The following CTIF variants were observed in gnomAD, a reference collection of about 807,000 sequenced individuals.
The protein encoded by CTIF is CBP80/20-dependent translation initiation factor.
Under a neutral mutation model 66.0 loss-of-function variants are expected in CTIF, and 21 were observed. The observed-to-expected ratio is 0.32, with a 90% confidence interval of 0.23 to 0.46. The LOEUF is 0.46. Among genes scored for constraint, CTIF ranks in the 20% least tolerant of loss-of-function variants. CTIF has a pLI of 1.00. For synonymous variants in CTIF, 345 were observed against 326.4 expected, an observed-to-expected ratio of 1.06 and a Z score of -0.62; for missense variants, 739 against 812.7, an observed-to-expected ratio of 0.91 and a Z score of 1.10.
chr18:48,691,545 A>G (rs538598856), intron 6 of CTIF, among the ~76,000 whole-genome samples: 1 of 152,342 alleles, frequency 6.6e-6, no homozygotes, highest in East Asian at 1.9e-4. Flanking sequence ...CACCTGCACC[A>G]GATAGAATCA....
In CTIF at chr18:48,774,158, A is replaced by G. The variant is rs1391712849; in HGVS notation, c.1371+12469A>G. Among the ~76,000 whole-genome samples the G allele has an allele frequency of 2.6e-5, 4 of 152,322 alleles. No homozygotes were observed. The East Asian group carries it at 7.7e-4, about 29-fold the overall frequency. On this transcript the variant is annotated intron_variant, in intron 9 of 11. Transcript: ENST00000256413. ...TCAGTGCCTGGGTTACTCTGAGGCC[A>G]ATCGGCATCATGTGAGCAATTTAAA...
intron 6 of CTIF, among the ~76,000 whole-genome samples, chr18:48,683,346 T>C (rs2091779184): frequency 6.7e-6 from 1 of 149,996 alleles, no homozygotes; most frequent in African/African-American, 2.4e-5. Flanking sequence ...TGACGGCCTG[T>C]CCCTTGGACC....
intron 9 of CTIF, among the ~76,000 whole-genome samples, chr18:48,794,288 G>T (rs529813460): frequency 6.6e-6 from 1 of 152,358 alleles, no homozygotes; most frequent in African/African-American, 2.4e-5. Context: ...AGGCATGGGT[G>T]AGCCTTTGAA....
At chr18:48,745,848 TC>T (rs147869885) in intron 7 of CTIF, among the ~76,000 whole-genome samples, 342 of 152,294 alleles carry the variant, frequency 2.2e-3, no homozygotes, top group Middle Eastern at 0.01. Flanking sequence ...TGAGGAGTCC[TC>T]TCTGTGATAA....
chr18:48,852,220 T>G (rs1599167092), intron 10 of CTIF, among the ~76,000 whole-genome samples: 1 of 108,728 alleles, frequency 9.2e-6, no homozygotes, highest in Admixed American at 1.4e-4. Context: ...GGGGACAGAG[T>G]GAGACCCTGT....
intron 6 of CTIF, among the ~76,000 whole-genome samples, chr18:48,677,172 A>C (rs960803007): frequency 2.6e-5 from 4 of 152,146 alleles, no homozygotes; most frequent in Non-Finnish European, 5.9e-5. Context: ...CGTGAGGATT[A>C]GTAAAGTGCC....
intron 6 of CTIF, among the ~76,000 whole-genome samples, chr18:48,675,977 G>T (rs9960978): frequency 6.6e-6 from 1 of 152,148 alleles, no homozygotes; most frequent in African/African-American, 2.4e-5. Context: ...GATGAAATCC[G>T]AATTGCATAT....
At chr18:48,818,811 C>T (rs779446792) in intron 10 of CTIF, among the ~76,000 whole-genome samples, 1 of 152,166 alleles carries the variant, frequency 6.6e-6, no homozygotes, top group East Asian at 1.9e-4. Context: ...AGGACCAGGA[C>T]AGAAAAGTGT....
intron 7 of CTIF, among the ~76,000 whole-genome samples, chr18:48,743,432 C>T (rs1239444527): frequency 2.0e-5 from 3 of 152,310 alleles, no homozygotes; most frequent in East Asian, 1.9e-4. Flanking sequence ...TTCCAAACAG[C>T]GGGCCATGAA....
intron 3 of CTIF, among the ~76,000 whole-genome samples, chr18:48,657,214 T>C (rs1028992837): frequency 1.3e-5 from 2 of 152,224 alleles, no homozygotes; most frequent in Non-Finnish European, 2.9e-5. Flanking sequence ...AAAGAAATAT[T>C]GCATACTCCA....
intron 5 of CTIF, among the ~76,000 whole-genome samples, chr18:48,667,692 G>A (rs547576189): frequency 6.6e-6 from 1 of 152,338 alleles, no homozygotes; most frequent in East Asian, 1.9e-4. Flanking sequence ...CCACACCTGT[G>A]TCACCAGCTG....
At chr18:48,807,715 G>A (rs574149025) in intron 9 of CTIF, among the ~76,000 whole-genome samples, 3 of 152,010 alleles carry the variant, frequency 2.0e-5, no homozygotes, top group African/African-American at 4.8e-5. Context: ...GAGTAGCTGG[G>A]ATTATAGGTA....
At chr18:48,672,698 C>G (rs1301546858) in intron 6 of CTIF, among the ~76,000 whole-genome samples, 1 of 152,188 alleles carries the variant, frequency 6.6e-6, no homozygotes, top group Non-Finnish European at 1.5e-5. Flanking sequence ...CCATTGCCTA[C>G]CTGCCCTCCA....
At position 48,828,229 on chromosome 18, in the gene CTIF, TAAAACTC is replaced by T. The variant is rs553865816; in HGVS notation, c.1527+10856_1527+10862del. Among the ~76,000 whole-genome samples the T allele has an allele frequency of 1.2e-4, 19 of 152,296 alleles. No individual in the cohort carries two copies. The East Asian group carries it at 3.7e-3, about 29-fold the overall frequency. Reference sequence around the variant, plus strand: ...AGCCAGAACCGTTTTTAAACAGTCTTAAAACTCAAGAGATTTCTAAACCAATCTCAAC... The same window carrying T: ...AGCCAGAACCGTTTTTAAACAGTCTTAAGAGATTTCTAAACCAATCTCAAC... On this transcript the variant is annotated intron_variant, in intron 10 of 11. Transcript: ENST00000256413.
intron 7 of CTIF, among the ~76,000 whole-genome samples, chr18:48,713,806 T>G (rs1358700896): frequency 1.3e-5 from 2 of 152,040 alleles, no homozygotes; most frequent in Non-Finnish European, 2.9e-5. Context: ...AGAACAGAGT[T>G]TTCAGCTAGA....
intron 10 of CTIF, among the ~76,000 whole-genome samples, chr18:48,830,347 A>G (rs1373093198): frequency 6.6e-6 from 1 of 152,116 alleles, no homozygotes; most frequent in Non-Finnish European, 1.5e-5. Flanking sequence ...TATTTTTAGT[A>G]GAGACGGGGT....
At chr18:48,627,767 G>GA (rs2090628836) in intron 2 of CTIF, among the ~76,000 whole-genome samples, 1 of 142,998 alleles carries the variant, frequency 7.0e-6, no homozygotes, top group African/African-American at 2.6e-5. Context: ...AGAAGACAGG[G>GA]TTGGGGGGGA....
At chr18:48,640,816 C>G (rs1047436820) in intron 3 of CTIF, among the ~76,000 whole-genome samples, 6 of 152,222 alleles carry the variant, frequency 3.9e-5, no homozygotes, top group Admixed American at 3.9e-4. Context: ...GGCTTCCAGC[C>G]TCATCCTGTT....
chr18:48,828,633 G>A (rs959968607), intron 10 of CTIF, among the ~76,000 whole-genome samples: 1 of 152,230 alleles, frequency 6.6e-6, no homozygotes, highest in African/African-American at 2.4e-5. Context: ...GGCTTAGGTA[G>A]GGAGGTAAGA....
Sources: gnomAD v4.1 joint callset for allele counts (sites outside exome capture counted in the v4.1 genomes callset) on GRCh38, gnomAD v4.1.1 for gene constraint, MANE v1.5 for transcripts, NCBI Gene and HGNC (gene_info 2026-07-23, HGNC 2026-07-21) for gene names.